Variants in TTC39C observed in about 807,000 individuals in gnomAD.
TTC39C encodes tetratricopeptide repeat domain 39C.
TTC39C carries 33 observed loss-of-function variants against 76.3 expected under a neutral mutation model. The ratio of observed to expected loss-of-function variants is 0.43; its 90% CI spans 0.33 to 0.58. The LOEUF is 0.58. TTC39C is among the 20% of genes least tolerant of loss of function. TTC39C has a pLI of 0.04. For synonymous variants in TTC39C, 254 were observed against 260.6 expected (o/e 0.97, Z 0.24); for missense variants, 595 against 701.4 (o/e 0.85, Z 1.71).
intron 1 of TTC39C, among the ~76,000 whole-genome samples, chr18:24,060,087 G>A (rs1051662977): frequency 6.6e-6 from 1 of 152,118 alleles, no homozygotes; most frequent in African/African-American, 2.4e-5. Flanking sequence ...GATTTGGGTG[G>A]GGACACAGCC....
At chr18:24,103,955 G>A (rs1213217164) in intron 6 of TTC39C, among the ~76,000 whole-genome samples, 1 of 147,526 alleles carries the variant, frequency 6.8e-6, no homozygotes, top group Non-Finnish European at 1.5e-5. Context: ...TGTTTGAGAC[G>A]GAGTCTTGTT....
In TTC39C at chr18:24,132,497, G is replaced by C; in HGVS notation, c.1675G>C (p.Gly559Arg). 1.9e-6 allele frequency: 3 copies of C among 1,614,016 alleles called. No homozygotes were observed. The highest frequency in any genetic ancestry group is 2.5e-6 in the Non-Finnish European group (3 of 1,179,972). Residue 559 changes from glycine to arginine, a missense_variant, in exon 14 of 14, where the codon GGC becomes CGC. Transcript: ENST00000317571. ...LLLQAKEDFS[G>R]YDFENRLHVR... ...TTTGATCTTACAGGAGGATTTCTCT[G>C]GCTACGACTTTGAAAACAGATTGCA... is the stretch of plus-strand genomic sequence containing the variant.
At chr18:24,024,141 T>A (rs12327238) in intron 1 of TTC39C, among the ~76,000 whole-genome samples, 2 of 146,402 alleles carry the variant, frequency 1.4e-5, no homozygotes, top group South Asian at 4.5e-4. Context: ...GCCTCCCGAG[T>A]AGCTGGGACT....
chr18:24,107,887 TA>T (rs201728215), intron 6 of TTC39C, among the ~76,000 whole-genome samples: 7,090 of 59,982 alleles, frequency 0.12, 387 homozygotes, highest in East Asian at 0.39. Flanking sequence ...GCCTCCCAAG[TA>T]GGGGGGGGGG....
chr18:24,106,115 C>T (rs973225335), intron 6 of TTC39C, among the ~76,000 whole-genome samples: 1 of 152,188 alleles, frequency 6.6e-6, no homozygotes, highest in Non-Finnish European at 1.5e-5. Context: ...TCTTCAACAA[C>T]CCTTATTTCC....
At chr18:24,129,353 T>G (rs899621071) in intron 11 of TTC39C, among the ~76,000 whole-genome samples, 7 of 152,198 alleles carry the variant, frequency 4.6e-5, no homozygotes, top group Admixed American at 1.3e-4. Context: ...TGCATTCAGT[T>G]TTCTCTCTTT....
At chr18:24,119,379 C>T (rs2145817001) in intron 8 of TTC39C, among the ~76,000 whole-genome samples, 1 of 152,314 alleles carries the variant, frequency 6.6e-6, no homozygotes, top group South Asian at 2.1e-4. Context: ...CAAGACTAAT[C>T]CAAACATTAT....
chr18:24,020,524 A>T (rs2083506161), intron 1 of TTC39C, among the ~76,000 whole-genome samples: 1 of 152,132 alleles, frequency 6.6e-6, no homozygotes, highest in Admixed American at 6.5e-5. Context: ...TGGTTCCAGG[A>T]CCCCCAGCGG....
chr18:23,993,982 C>A (rs968581959), intron 1 of TTC39C, among the ~76,000 whole-genome samples: 5 of 152,136 alleles, frequency 3.3e-5, no homozygotes, highest in African/African-American at 9.7e-5. Context: ...GAATTGTTGC[C>A]ATTAACAAAG....
intron 6 of TTC39C, among the ~76,000 whole-genome samples, chr18:24,100,871 A>G (rs1397431262): frequency 1.3e-5 from 2 of 152,176 alleles, no homozygotes; most frequent in African/African-American, 4.8e-5. Flanking sequence ...GCCCAGTCTC[A>G]CTGATTTGAT....
intron 6 of TTC39C, among the ~76,000 whole-genome samples, chr18:24,102,327 A>G (rs2084687047): frequency 6.6e-6 from 1 of 152,214 alleles, no homozygotes; most frequent in Non-Finnish European, 1.5e-5. Flanking sequence ...GGTGATTGCT[A>G]TTCATTCACG....
chr18:23,999,784 C>G (rs984528630), intron 1 of TTC39C, among the ~76,000 whole-genome samples: 3 of 152,188 alleles, frequency 2.0e-5, no homozygotes, highest in Non-Finnish European at 4.4e-5. Flanking sequence ...CAGCCAGGGC[C>G]CAGCAGGCAG....
rs1178574474 is a variant in TTC39C, at chr18:24,113,383, T to C, written c.985-1171T>C. The C allele has an allele frequency of 6.9e-6, 4 of 583,018 alleles. No individual in the cohort carries two copies. In the South Asian group the frequency reaches 8.3e-5, roughly 12 times the overall value. The allele number at this position is 583,018 out of a possible 1,614,324, so 36.1% of individuals were successfully genotyped here. A position where few individuals can be genotyped will look rare whatever the true frequency, so the allele number is the denominator to read the frequency against. ...GAGGAGAGGAGCCCAGGTCTGCGGG[T>C]GGGGGACCCGTCCTCTGAGAAGCCT... On this transcript the variant is annotated intron_variant, in intron 6 of 13. Transcript: ENST00000317571.
At chr18:24,076,828 T>G (rs2084313119) in intron 4 of TTC39C, 1 of 152,156 alleles carries the variant, frequency 6.6e-6, no homozygotes. Flanking sequence ...GGCACCCATC[T>G]TAGGCACAAA....
At chr18:24,107,873 C>T (rs2084764966) in intron 6 of TTC39C, among the ~76,000 whole-genome samples, 1 of 124,940 alleles carries the variant, frequency 8.0e-6, no homozygotes, top group East Asian at 2.7e-4. Flanking sequence ...ATCCTCCCAC[C>T]ACAGCCTCCC....
chr18:24,129,036 T>A, intron 11 of TTC39C, 53 bp downstream of exon 11: 1 of 1,370,716 alleles, frequency 7.3e-7, no homozygotes, highest in Non-Finnish European at 1.0e-6. Context: ...AACACCTACG[T>A]ATATGCTTGT....
At chr18:24,128,272 C>T (rs1392307627) in intron 10 of TTC39C, among the ~76,000 whole-genome samples, 1 of 152,030 alleles carries the variant, frequency 6.6e-6, no homozygotes, top group Non-Finnish European at 1.5e-5. Context: ...AGTTCTTTTT[C>T]GTATGAGCGT....
intron 1 of TTC39C, among the ~76,000 whole-genome samples, chr18:24,027,246 C>T (rs117141569): frequency 3.9e-5 from 6 of 151,902 alleles, no homozygotes; most frequent in Non-Finnish European, 8.8e-5. Flanking sequence ...GACCCGAGAT[C>T]GCGCCACTGT....
chr18:24,015,116 C>G, intron 1 of TTC39C, 78 bp downstream of exon 1: 2 of 1,287,038 alleles, frequency 1.6e-6, no homozygotes, highest in Non-Finnish European at 2.0e-6. Flanking sequence ...CCTGCGGCCC[C>G]CGGGAGCCCC....
Sources: allele counts gnomAD v4.1 joint callset (sites outside exome capture counted in the v4.1 genomes callset), GRCh38; gene constraint gnomAD v4.1.1; transcripts MANE v1.5; gene names NCBI Gene and HGNC (gene_info 2026-07-23, HGNC 2026-07-21).